The following MAD1L1 variants were observed in gnomAD, a reference collection of about 807,000 sequenced individuals.
MAD1L1 encodes mitotic arrest deficient 1 like 1.
Under a neutral mutation model 96.9 loss-of-function variants are expected in MAD1L1, and 95 were observed. The observed-to-expected ratio is 0.98, with a 90% confidence interval of 0.83 to 1.16. The LOEUF is 1.16. Ranked by LOEUF, MAD1L1 falls within the 50% of genes most tolerant of loss-of-function variation. MAD1L1 has a pLI of 0.00. For missense variants in MAD1L1, 1,007 were observed against 954.4 expected (o/e 1.06, Z -0.73); for synonymous variants, 473 against 396.6 (o/e 1.19, Z -2.29).
chr7:1,853,168 G>T lies in MAD1L1; in HGVS notation c.1999-36940C>A, dbSNP rs143055090. On this transcript the variant is annotated intron_variant, in intron 18 of 18. Transcript: ENST00000265854. ...GTACAGGAGGTGGGGGCCCTGATGC[G>T]GAAGGGACTGCGGATGTCATCTCAG... Among the ~76,000 whole-genome samples the T allele has an allele frequency of 7.9e-5, 12 of 152,294 alleles. No homozygotes were observed. In the South Asian group the frequency reaches 2.1e-3, roughly 26 times the overall value.
At chr7:2,219,019 C>T (rs978948443) in intron 6 of MAD1L1, among the ~76,000 whole-genome samples, 3 of 152,146 alleles carry the variant, frequency 2.0e-5, no homozygotes, top group Non-Finnish European at 4.4e-5. Context: ...ATGATTACAC[C>T]ATTGCACTCC....
intron 18 of MAD1L1, among the ~76,000 whole-genome samples, chr7:1,855,357 G>A (rs1392266251): frequency 6.6e-6 from 1 of 152,024 alleles, no homozygotes; most frequent in African/African-American, 2.4e-5. Flanking sequence ...GACAAGCTGA[G>A]CATTCCCCAG....
chr7:2,207,968 C>T (rs1792687451), intron 10 of MAD1L1, among the ~76,000 whole-genome samples: 1 of 152,116 alleles, frequency 6.6e-6, no homozygotes, highest in African/African-American at 2.4e-5. Context: ...AGCTGGTGAC[C>T]CCTGGAGAAC....
At chr7:1,828,764 AAG>A (rs1401930829) in intron 18 of MAD1L1, among the ~76,000 whole-genome samples, 2 of 152,208 alleles carry the variant, frequency 1.3e-5, no homozygotes, top group African/African-American at 4.8e-5. Context: ...GCACTCAACA[AAG>A]AGAAAATCAG....
intron 11 of MAD1L1, among the ~76,000 whole-genome samples, chr7:2,139,991 G>A (rs371234580): frequency 1.6e-5 from 2 of 124,936 alleles, no homozygotes; most frequent in African/African-American, 3.1e-5. Flanking sequence ...TCTGGACCCC[G>A]CCCCCCCCCA....
At chr7:1,919,213 G>A (rs951351044) in intron 17 of MAD1L1, among the ~76,000 whole-genome samples, 1 of 152,256 alleles carries the variant, frequency 6.6e-6, no homozygotes, top group Non-Finnish European at 1.5e-5. Context: ...GATGCAGAGA[G>A]AAAAGGGTCC....
At chr7:2,076,850 C>T (rs957684366) in intron 11 of MAD1L1, among the ~76,000 whole-genome samples, 1 of 147,126 alleles carries the variant, frequency 6.8e-6, no homozygotes, top group Non-Finnish European at 1.5e-5. Context: ...CAGCCTGAGA[C>T]GGTTACAACA....
intron 13 of MAD1L1, among the ~76,000 whole-genome samples, chr7:2,009,880 CGT>C (rs1782213206): frequency 6.6e-6 from 1 of 152,106 alleles, no homozygotes; most frequent in African/African-American, 2.4e-5. Context: ...GTGGCACCGG[CGT>C]GTCACGGGGA....
intron 13 of MAD1L1, 33 bp downstream of exon 13, chr7:2,014,469 G>A (rs774361283): frequency 1.3e-6 from 2 of 1,524,838 alleles, no homozygotes; most frequent in Admixed American, 1.8e-5. Context: ...AGCCCCACCT[G>A]GCGACGTGAG....
chr7:2,111,280 G>A (rs1037104689), intron 11 of MAD1L1, among the ~76,000 whole-genome samples: 9 of 152,182 alleles, frequency 5.9e-5, no homozygotes, highest in East Asian at 5.8e-4. Context: ...GCCCGCAGGC[G>A]CCTCCATGCA....
chr7:2,220,896 G>A, intron 5 of MAD1L1: 1 of 1,611,294 alleles, frequency 6.2e-7, no homozygotes, highest in South Asian at 1.1e-5. Flanking sequence ...TGTGCCAGGG[G>A]CAAGGCCAGA....
chr7:1,824,643 C>G (rs1782296314), intron 18 of MAD1L1, among the ~76,000 whole-genome samples: 1 of 152,280 alleles, frequency 6.6e-6, no homozygotes, highest in East Asian at 1.9e-4. Flanking sequence ...CACCAGGACC[C>G]GCGGGAGAGG....
At chr7:2,145,733 C>T (rs574677692) in intron 11 of MAD1L1, among the ~76,000 whole-genome samples, 5 of 152,206 alleles carry the variant, frequency 3.3e-5, no homozygotes, top group African/African-American at 7.2e-5. Context: ...GCCTTCCCTA[C>T]CTTGGAACTC....
intron 10 of MAD1L1, among the ~76,000 whole-genome samples, chr7:2,198,653 A>ACAGGCGT: frequency 6.6e-6 from 1 of 152,376 alleles, no homozygotes; most frequent in East Asian, 1.9e-4. Flanking sequence ...CTGCAGGCCA[A>ACAGGCGT]CAGGCGTCCA....
At chr7:1,919,764 A>C (rs1788659809) in intron 17 of MAD1L1, among the ~76,000 whole-genome samples, 1 of 152,222 alleles carries the variant, frequency 6.6e-6, no homozygotes, top group South Asian at 2.1e-4. Flanking sequence ...CAGAGCTGGG[A>C]CCATGGCCCA....
intron 11 of MAD1L1, among the ~76,000 whole-genome samples, chr7:2,124,642 T>G (rs1352853625): frequency 6.6e-6 from 1 of 152,082 alleles, no homozygotes; most frequent in East Asian, 1.9e-4. Flanking sequence ...AAGGAGCGTA[T>G]GGGGCTCCAC....
chr7:2,079,597 T>C, intron 11 of MAD1L1: 1 of 470,130 alleles, frequency 2.1e-6, no homozygotes, highest in Non-Finnish European at 4.4e-6. Flanking sequence ...CGGCAAATAC[T>C]CTCATCTGAC....
In MAD1L1 at chr7:2,224,426, A is replaced by G. The variant is rs940471002; in HGVS notation, c.291+984T>C. Among the ~76,000 whole-genome samples, 4 of 152,174 alleles carry G rather than the reference A, an allele frequency of 2.6e-5. No individual in the cohort carries two copies. The East Asian group carries it at 7.7e-4, about 29-fold the overall frequency. Reference sequence around the variant, plus strand: ...AAAACAGCTCTCAAAGCAGCAACGGAGCCAACCCTGAGGCAGTGGCCCCCA... The same window carrying G: ...AAAACAGCTCTCAAAGCAGCAACGGGGCCAACCCTGAGGCAGTGGCCCCCA... On this transcript the variant is annotated intron_variant, in intron 4 of 18. Coordinates refer to ENST00000265854, the MANE Select transcript of MAD1L1 (RefSeq NM_001013836.2).
intron 16 of MAD1L1, among the ~76,000 whole-genome samples, chr7:1,946,192 C>T (rs577410330): frequency 2.0e-5 from 3 of 152,348 alleles, no homozygotes; most frequent in Admixed American, 6.5e-5. Flanking sequence ...TCTGGCAGGA[C>T]GCCTCCTGCT....
Sources: gnomAD v4.1 joint callset for allele counts (sites outside exome capture counted in the v4.1 genomes callset) on GRCh38, gnomAD v4.1.1 for gene constraint, MANE v1.5 for transcripts, NCBI Gene and HGNC (gene_info 2026-07-23, HGNC 2026-07-21) for gene names.